SLC22A4: variants seen among roughly 807,000 people sequenced by gnomAD.
SLC22A4 encodes ET transporter.
A neutral mutation model predicts 56.6 loss-of-function variants in SLC22A4; 39 were observed. That is an observed-to-expected ratio of 0.69 (90% CI 0.53 to 0.90). The LOEUF is 0.90. Among genes scored for constraint, SLC22A4 ranks in the 40% least tolerant of loss-of-function variants. The probability of loss-of-function intolerance (pLI) is 0.00; values close to 1 mark genes in which losing one functional copy is unlikely to be tolerated. For synonymous variants in SLC22A4, 241 were observed against 281.4 expected (o/e 0.86, Z 1.44); for missense variants, 594 against 696.5 (o/e 0.85, Z 1.66).
chr5:132,301,209 G>C (rs529462846), intron 1 of SLC22A4, among the ~76,000 whole-genome samples: 1 of 152,374 alleles, frequency 6.6e-6, no homozygotes, highest in East Asian at 1.9e-4. Context: ...CTCCCATGGA[G>C]CATCATTAGG....
At chr5:132,328,828 TATATATATATACACACACAC>T (rs1224149993) in intron 5 of SLC22A4, among the ~76,000 whole-genome samples, 12 of 18,470 alleles carry the variant, frequency 6.5e-4, no homozygotes, top group African/African-American at 2.2e-3. Context: ...TGCCTTTATA[TATATATATATACACACACAC>T]ACACACACAC....
chr5:132,304,586 TAGCTTG>T (rs1561535154), intron 1 of SLC22A4, among the ~76,000 whole-genome samples: 17 of 152,150 alleles, frequency 1.1e-4, no homozygotes, highest in African/African-American at 3.4e-4. Context: ...CACTGTACTC[TAGCTTG>T]GGCAACAGAG....
At chr5:132,295,773 TGAG>T (rs1346951373) in intron 1 of SLC22A4, among the ~76,000 whole-genome samples, 7 of 152,370 alleles carry the variant, frequency 4.6e-5, no homozygotes, top group African/African-American at 1.7e-4. Context: ...ACCTTTCTTC[TGAG>T]GAGAGCATCC....
At chr5:132,328,269 G>A (rs1750736783) in intron 5 of SLC22A4, among the ~76,000 whole-genome samples, 2 of 152,148 alleles carry the variant, frequency 1.3e-5, no homozygotes, top group South Asian at 4.1e-4. Flanking sequence ...ATAGGTAGGA[G>A]TCTGCTCAGG....
intron 1 of SLC22A4, among the ~76,000 whole-genome samples, chr5:132,308,200 C>A (rs1750085623): frequency 6.6e-6 from 1 of 151,924 alleles, no homozygotes; most frequent in African/African-American, 2.4e-5. Context: ...AGAACAGCGC[C>A]CACCCCACCC....
Position 132,313,638 on chromosome 5 carries a change from C to G in SLC22A4, c.522C>G (p.Phe174Leu), listed in dbSNP as rs374839569. Reference protein sequence around the residue: ...SDRFGRKNVLFATMAVQTGFS... With the variant: ...SDRFGRKNVLLATMAVQTGFS... ...GGTTTGGCAGGAAGAACGTTCTCTT[C>G]GCAACCATGGCTGTACAGACTGGCT... Residue 174 changes from phenylalanine to leucine, a missense_variant, in exon 3 of 10, where the codon TTC becomes TTG. Transcript: ENST00000200652. 15 of 1,614,080 alleles carry G rather than the reference C, an allele frequency of 9.3e-6. No individual in the cohort carries two copies. The African/African-American group carries it at 2.0e-4, about 22-fold the overall frequency.
At chr5:132,301,246 G>A (rs937411095) in intron 1 of SLC22A4, among the ~76,000 whole-genome samples, 2 of 152,244 alleles carry the variant, frequency 1.3e-5, no homozygotes, top group South Asian at 2.1e-4. Flanking sequence ...CAGTCCATGG[G>A]CTGGGAAAAC....
chr5:132,341,122 A>G (rs1377797032), intron 9 of SLC22A4, among the ~76,000 whole-genome samples: 1 of 151,720 alleles, frequency 6.6e-6, no homozygotes, highest in Non-Finnish European at 1.5e-5. Flanking sequence ...GTCTCAAAAA[A>G]AATAAATAAA....
At chr5:132,338,322 C>T (rs1751087558) in intron 8 of SLC22A4, among the ~76,000 whole-genome samples, 1 of 151,892 alleles carries the variant, frequency 6.6e-6, no homozygotes, top group South Asian at 2.1e-4. Context: ...TCACGTGCTT[C>T]ACAAGGTAAT....
chr5:132,294,454 T>G lies in SLC22A4; in HGVS notation c.-163T>G. On this transcript the variant is annotated 5_prime_UTR_variant, in exon 1 of 10. Coordinates refer to ENST00000200652, the MANE Select transcript of SLC22A4 (RefSeq NM_003059.3). The surrounding 1 kb of genome is among the most constrained non-coding windows in gnomAD (Gnocchi z 5.6). ...CGGGAACGCTCCAACGCCTTCAGCC[T>G]GTTTCCCAGGAACGGTCCCCGGCTT... 1.1e-6 allele frequency: 1 copy of G among 941,480 alleles called. No homozygotes were observed. The highest frequency in any genetic ancestry group is 1.5e-5 in the South Asian group (1 of 64,534). 58.3% of individuals were successfully genotyped at this position (941,480 alleles called of 1,614,324 possible).
intron 3 of SLC22A4, among the ~76,000 whole-genome samples, chr5:132,321,852 G>A (rs1257307306): frequency 1.3e-5 from 2 of 152,114 alleles, no homozygotes; most frequent in African/African-American, 4.8e-5. Flanking sequence ...AGGTTGCAAT[G>A]AGCTGAGATC....
At chr5:132,295,070 C>G (rs1409637759) in intron 1 of SLC22A4, 61 bp downstream of exon 1, 19 of 1,538,038 alleles carry the variant, frequency 1.2e-5, no homozygotes, top group Middle Eastern at 1.7e-4. Flanking sequence ...GCGTCAGCCC[C>G]CCTTGAGACT....
chr5:132,337,619 G>A (rs1460842915), intron 8 of SLC22A4, among the ~76,000 whole-genome samples: 1 of 151,796 alleles, frequency 6.6e-6, no homozygotes, highest in African/African-American at 2.4e-5. Context: ...TGTGAAAAAT[G>A]GATATCATTG....
intron 3 of SLC22A4, 114 bp from the exon 4 acceptor site, chr5:132,322,070 G>T (rs764740313): frequency 2.2e-4 from 219 of 988,408 alleles, no homozygotes; most frequent in Admixed American, 3.5e-4. Flanking sequence ...TGAGGCAAAT[G>T]CCTTTCCCCT....
intron 9 of SLC22A4, 45 bp downstream of exon 9, chr5:132,340,745 G>C (rs763541197): frequency 6.4e-7 from 1 of 1,565,906 alleles, no homozygotes; most frequent in Non-Finnish European, 8.8e-7. Context: ...GCCTTAGGGA[G>C]AATAAGCATG....
In SLC22A4 at chr5:132,322,323, G is replaced by A. The variant is rs144122563; in HGVS notation, c.792G>A (p.Thr264=). Reference sequence around the variant, plus strand: ...GGCGGATGCTGCTGCTGGCGCTGACGGTGCCGGGAGTGCTGTGTGTCCCGC... The same window carrying A: ...GGCGGATGCTGCTGCTGGCGCTGACAGTGCCGGGAGTGCTGTGTGTCCCGC... The part of the protein sequence containing the change: ...RDWRMLLLAL[T]VPGVLCVPLW... Residue 264 remains threonine (T), a synonymous_variant, in exon 4 of 10, where the codon ACG becomes ACA. Coordinates refer to ENST00000200652, the MANE Select transcript of SLC22A4 (RefSeq NM_003059.3). 1.5e-5 allele frequency: 24 copies of A among 1,613,684 alleles called. No homozygotes were observed. The highest frequency in any genetic ancestry group is 1.1e-4 in the African/African-American group (8 of 74,904).
chr5:132,324,641 A>T (rs1375654232), intron 4 of SLC22A4: 3 of 466,154 alleles, frequency 6.4e-6, no homozygotes, highest in Non-Finnish European at 1.3e-5. Flanking sequence ...CCATCCTTGC[A>T]GGTGGGTCTT....
At chr5:132,316,689 T>C (rs1750368278) in intron 3 of SLC22A4, among the ~76,000 whole-genome samples, 1 of 152,248 alleles carries the variant, frequency 6.6e-6, no homozygotes, top group African/African-American at 2.4e-5. Context: ...TAGAGGTTCC[T>C]CCTTTTGATA....
At position 132,335,808 on chromosome 5, in the gene SLC22A4, T is replaced by C. The variant is rs200877376; in HGVS notation, c.1262-10T>C. ...AAAGCACCATTGTTTATACCGGGTC[T>C]CTTTTCCAGATTATTACTTCTTATC... On this transcript the variant is annotated splice_polypyrimidine_tract_variant and intron_variant, in intron 7 of 9. Coordinates refer to ENST00000200652, the MANE Select transcript of SLC22A4 (RefSeq NM_003059.3). 249 of 1,611,440 alleles carry C rather than the reference T, an allele frequency of 1.5e-4. No homozygotes were observed. Among genetic ancestry groups the C allele is most frequent in the Non-Finnish European group, 2.1e-4 (242 of 1,177,650 alleles).
Sources: gnomAD v4.1 joint callset for allele counts (sites outside exome capture counted in the v4.1 genomes callset) on GRCh38, gnomAD v4.1.1 for gene constraint, Gnocchi (gnomAD v3.1) non-coding constraint, MANE v1.5 for transcripts, NCBI Gene and HGNC (gene_info 2026-07-23, HGNC 2026-07-21) for gene names.